The following PEX14 variants were observed in gnomAD, a reference collection of about 807,000 sequenced individuals.
PEX14 encodes the protein peroxisomal membrane protein PEX14.
Under a neutral mutation model 49.5 loss-of-function variants are expected in PEX14, and 15 were observed. The ratio of observed to expected loss-of-function variants is 0.30; its 90% confidence interval spans 0.20 to 0.47. The LOEUF is 0.47. Among genes scored for constraint, PEX14 ranks in the 20% least tolerant of loss-of-function variants. The pLI, the probability that PEX14 is intolerant of heterozygous loss-of-function variation, is 1.00. For synonymous variants in PEX14, 210 were observed against 212.7 expected, an observed-to-expected ratio of 0.99 and a Z score of 0.11; for missense variants, 398 against 494.8, an observed-to-expected ratio of 0.80 and a Z score of 1.86.
chr1:10,572,245 G>GGAGTAATTA (rs1639998379), intron 3 of PEX14, among the ~76,000 whole-genome samples: 1 of 152,120 alleles, frequency 6.6e-6, no homozygotes, highest in African/African-American at 2.4e-5. Context: ...AACAGGATAT[G>GGAGTAATTA]CCAGTACTCC....
intron 3 of PEX14, among the ~76,000 whole-genome samples, chr1:10,590,081 C>T (rs1417052924): frequency 6.6e-6 from 1 of 152,216 alleles, no homozygotes; most frequent in Non-Finnish European, 1.5e-5. Context: ...CTCCACCCTG[C>T]AGCAGTGAGA....
At chr1:10,496,107 C>T (rs1641555343) in intron 2 of PEX14, among the ~76,000 whole-genome samples, 1 of 152,224 alleles carries the variant, frequency 6.6e-6, no homozygotes, top group Non-Finnish European at 1.5e-5. Flanking sequence ...CTTCACTCCC[C>T]TTCTGGCAGT....
chr1:10,486,801 C>T (rs965460851), intron 1 of PEX14, among the ~76,000 whole-genome samples: 12 of 152,034 alleles, frequency 7.9e-5, no homozygotes, highest in Admixed American at 6.6e-4. Context: ...GATTCTCTGC[C>T]TCAGCCTCCT....
In PEX14 at chr1:10,611,206, T is replaced by G. The variant is rs551639691; in HGVS notation, c.299-7126T>G. Among the ~76,000 whole-genome samples, 3 of 152,124 alleles carry G rather than the reference T, an allele frequency of 2.0e-5. No homozygotes were observed. In the South Asian group the frequency reaches 6.2e-4, roughly 32 times the overall value. On this transcript the variant is annotated intron_variant, in intron 4 of 8. Coordinates refer to ENST00000356607, the MANE Select transcript of PEX14 (RefSeq NM_004565.3). ...TGAACCCAGGAGGTACAGGTTGCAG[T>G]GAGCTGAGATTGCGCCACTGCACTC... is the stretch of plus-strand genomic sequence containing the variant.
intron 2 of PEX14, among the ~76,000 whole-genome samples, chr1:10,535,469 T>C (rs1436868712): frequency 6.6e-6 from 1 of 152,210 alleles, no homozygotes; most frequent in Non-Finnish European, 1.5e-5. Context: ...CTCAGCTCCA[T>C]TGCAGAAGGG....
intron 6 of PEX14, among the ~76,000 whole-genome samples, chr1:10,624,031 G>A (rs545242566): frequency 1.3e-5 from 2 of 152,338 alleles, no homozygotes; most frequent in African/African-American, 4.8e-5. Context: ...GGACGCAGGC[G>A]CCAGAGAAGC....
At chr1:10,589,660 G>T (rs1640602116) in intron 3 of PEX14, among the ~76,000 whole-genome samples, 1 of 152,144 alleles carries the variant, frequency 6.6e-6, no homozygotes, top group Admixed American at 6.5e-5. Flanking sequence ...CAGTCTGCCC[G>T]CCTTGGCCTC....
rs571598708 is a variant in PEX14 at position 10,597,399 on chromosome 1, G to C, written c.170-1839G>C. 1.3e-5 allele frequency among the ~76,000 whole-genome samples: 2 copies of C among 152,308 alleles called. No homozygotes were observed. The highest frequency in any genetic ancestry group is 4.1e-4 in the South Asian group (2 of 4,826). On this transcript the variant is annotated intron_variant, in intron 3 of 8. Transcript: ENST00000356607. The surrounding 1 kb of genome is among the most constrained non-coding windows in gnomAD (Gnocchi z 5.7). ...CCTTCCTGTTTAGTCGGAGCGATCG[G>C]CAGTCACTACACAGGCTGGAACCTG...
chr1:10,519,340 T>C (rs1642026088), intron 2 of PEX14, among the ~76,000 whole-genome samples: 1 of 151,866 alleles, frequency 6.6e-6, no homozygotes, highest in South Asian at 2.1e-4. Flanking sequence ...GGGCAGGGAG[T>C]GCTTTGGGAA....
chr1:10,598,292 G>T (rs554996983), intron 3 of PEX14, among the ~76,000 whole-genome samples: 3 of 152,260 alleles, frequency 2.0e-5, no homozygotes, highest in Admixed American at 2.0e-4. Flanking sequence ...CCGTGTGACC[G>T]CTCCTTTCAT....
intron 3 of PEX14, among the ~76,000 whole-genome samples, chr1:10,538,361 A>C (rs1314970080): frequency 6.6e-6 from 1 of 152,244 alleles, no homozygotes; most frequent in Non-Finnish European, 1.5e-5. Flanking sequence ...TAGAGTTTTT[A>C]GAATTTTAGG....
chr1:10,567,432 G>T (rs1639837547), intron 3 of PEX14, among the ~76,000 whole-genome samples: 1 of 151,988 alleles, frequency 6.6e-6, no homozygotes. Context: ...CAATTATTTG[G>T]AATTTTCTTG....
intron 3 of PEX14, among the ~76,000 whole-genome samples, chr1:10,571,235 C>T (rs375021593): frequency 5.3e-5 from 8 of 151,864 alleles, no homozygotes; most frequent in Admixed American, 3.3e-4. Flanking sequence ...GATGTGATTC[C>T]ATTTTATGTT....
intron 1 of PEX14, among the ~76,000 whole-genome samples, chr1:10,483,597 G>A (rs1003318946): frequency 1.3e-5 from 2 of 151,866 alleles, no homozygotes; most frequent in African/African-American, 4.9e-5. Context: ...TTATAGGCGT[G>A]AGCCACTGCG....
chr1:10,624,467 A>AG, intron 7 of PEX14, 30 bp downstream of exon 7: 2 of 1,436,254 alleles, frequency 1.4e-6, no homozygotes, highest in Non-Finnish European at 9.8e-7. Context: ...AGGGCCCTCC[A>AG]GGCCCAGGTC....
At chr1:10,479,906 A>T (rs1034484703) in intron 1 of PEX14, among the ~76,000 whole-genome samples, 3 of 152,168 alleles carry the variant, frequency 2.0e-5, no homozygotes, top group Non-Finnish European at 2.9e-5. Context: ...CTGAGGCTGG[A>T]GGATTGCTTG....
At chr1:10,575,834 A>C (rs1488824998) in intron 3 of PEX14, among the ~76,000 whole-genome samples, 1 of 152,054 alleles carries the variant, frequency 6.6e-6, no homozygotes, top group Non-Finnish European at 1.5e-5. Flanking sequence ...TGGTTTTAAG[A>C]CTCTGGGCAC....
At chr1:10,501,092 A>G (rs958558086) in intron 2 of PEX14, among the ~76,000 whole-genome samples, 1 of 152,172 alleles carries the variant, frequency 6.6e-6, no homozygotes, top group Non-Finnish European at 1.5e-5. Context: ...TCCAGGAAAA[A>G]TATATAAATA....
At chr1:10,501,970 T>G (rs544256518) in intron 2 of PEX14, among the ~76,000 whole-genome samples, 2 of 151,768 alleles carry the variant, frequency 1.3e-5, no homozygotes, top group South Asian at 4.2e-4. Context: ...GCTTAAACCG[T>G]TACTAGCAAC....
Sources: allele counts gnomAD v4.1 joint callset (sites outside exome capture counted in the v4.1 genomes callset), GRCh38; gene constraint gnomAD v4.1.1; non-coding constraint Gnocchi (gnomAD v3.1); transcripts MANE v1.5; gene names NCBI Gene and HGNC (gene_info 2026-07-23, HGNC 2026-07-21).